The following SEPTIN9 variants were observed in gnomAD, a reference collection of about 807,000 sequenced individuals.
SEPTIN9 encodes septin-9.
A neutral mutation model predicts 56.6 loss-of-function variants in SEPTIN9; 13 were observed. The ratio of observed to expected loss-of-function variants is 0.23; its 90% CI spans 0.15 to 0.37. The LOEUF is 0.37. Ranked by LOEUF, SEPTIN9 falls within the 10% of genes least tolerant of loss-of-function variation. SEPTIN9 has a pLI of 1.00. For synonymous variants in SEPTIN9, 332 were observed against 334.1 expected (o/e 0.99, Z 0.07); for missense variants, 650 against 823.1 (o/e 0.79, Z 2.57).
intron 2 of SEPTIN9, chr17:77,373,327 T>G: frequency 1.7e-6 from 2 of 1,168,336 alleles, no homozygotes; most frequent in Non-Finnish European, 2.1e-6. Context: ...GGCGCCCGCC[T>G]TCCTCCCCCA....
intron 3 of SEPTIN9, among the ~76,000 whole-genome samples, chr17:77,411,946 A>G (rs1051332554): frequency 6.6e-6 from 1 of 151,716 alleles, no homozygotes; most frequent in African/African-American, 2.4e-5. Flanking sequence ...CCTGGCCAAC[A>G]TGGTGAAACC....
In SEPTIN9 at chr17:77,366,018, C is replaced by T. The variant is rs574549268; in HGVS notation, c.77-36041C>T. Among the ~76,000 whole-genome samples the T allele has an allele frequency of 3.3e-5, 5 of 152,204 alleles. 1 individual carries two copies. The South Asian group carries it at 1.0e-3, about 32-fold the overall frequency. On this transcript the variant is annotated intron_variant, in intron 2 of 11. Transcript: ENST00000427177. ...CAGAAAAACAGTAGGGAGGCCAGGA[C>T]ACCAAGGGCCCCAGGGACAGCCTGT...
At chr17:77,378,847 C>T (rs1002301026) in intron 2 of SEPTIN9, among the ~76,000 whole-genome samples, 1 of 152,046 alleles carries the variant, frequency 6.6e-6, no homozygotes, top group Non-Finnish European at 1.5e-5. Context: ...CTACCCCCAC[C>T]CCCACCCTGG....
At chr17:77,293,477 A>G (rs2031665103) in intron 1 of SEPTIN9, among the ~76,000 whole-genome samples, 1 of 152,062 alleles carries the variant, frequency 6.6e-6, no homozygotes. Flanking sequence ...GAGCATTTAG[A>G]ACAGAAGGAC....
intron 3 of SEPTIN9, chr17:77,470,740 C>G (rs1467800054): frequency 6.6e-6 from 1 of 152,276 alleles, no homozygotes; most frequent in African/African-American, 2.4e-5. Flanking sequence ...CCATCCATCC[C>G]CATCCTTACT....
Position 77,450,506 on chromosome 17 carries a change from G to A in SEPTIN9, c.722-31638G>A. ...GGCGCTCTCTCCTAGTGTGGGAGTG[G>A]CCACGCCCCTGCTGGGAGTGACTCA... On this transcript the variant is annotated intron_variant, in intron 3 of 11. Transcript: ENST00000427177. The surrounding 1 kb of genome is among the most constrained non-coding windows in gnomAD (Gnocchi z 6.0). The A allele has an allele frequency of 1.0e-6, 1 of 985,446 alleles. No homozygotes were observed. The allele number at this position is 985,446 out of a possible 1,614,324, so 61.0% of individuals were successfully genotyped here.
rs545796276 is a variant in SEPTIN9, at chr17:77,389,958, G to T, written c.77-12101G>T. Among the ~76,000 whole-genome samples the T allele has an allele frequency of 6.6e-6, 1 of 152,092 alleles. No homozygotes were observed. Among genetic ancestry groups the T allele is most frequent in the Non-Finnish European group, 1.5e-5 (1 of 68,028 alleles). The stretch of plus-strand genomic sequence containing the variant: ...AAAAGAGGAAGTCCAGCAACTTAGC[G>T]CCACTTTAAAGTCCGCCTGGAATGA... On this transcript the variant is annotated intron_variant, in intron 2 of 11. Coordinates refer to ENST00000427177, the MANE Select transcript of SEPTIN9 (RefSeq NM_001113491.2). The surrounding 1 kb of genome is among the most constrained non-coding windows in gnomAD (Gnocchi z 4.3).
chr17:77,393,459 C>T (rs2035607796), intron 2 of SEPTIN9, among the ~76,000 whole-genome samples: 1 of 152,182 alleles, frequency 6.6e-6, no homozygotes, highest in Non-Finnish European at 1.5e-5. Flanking sequence ...CCTTGGTCAC[C>T]AGCAAGGTGA....
intron 2 of SEPTIN9, among the ~76,000 whole-genome samples, chr17:77,343,498 C>T (rs891066102): frequency 1.3e-5 from 2 of 152,164 alleles, no homozygotes; most frequent in African/African-American, 4.8e-5. Flanking sequence ...TGTAATAAGT[C>T]AGCAATTTTA....
chr17:77,310,615 G>T lies in SEPTIN9; in HGVS notation c.76+3418G>T, dbSNP rs539470014. ...CAGGTGGATTTGGCTGGGCTGTGGAGATGCGCTTCTCAGCCCTTCTAGATG... is the reference window on the plus strand; with the variant it reads ...CAGGTGGATTTGGCTGGGCTGTGGATATGCGCTTCTCAGCCCTTCTAGATG... On this transcript the variant is annotated intron_variant, in intron 2 of 11. Coordinates refer to ENST00000427177, the MANE Select transcript of SEPTIN9 (RefSeq NM_001113491.2). This position sits in a 1 kb window ranked among gnomAD's most constrained non-coding sequence, Gnocchi z 4.7. Among the ~76,000 whole-genome samples the T allele has an allele frequency of 2.0e-5, 3 of 152,246 alleles. No homozygotes were observed. The highest frequency in any genetic ancestry group is 2.1e-4 in the South Asian group (1 of 4,820).
At chr17:77,343,209 G>A (rs1378996906) in intron 2 of SEPTIN9, among the ~76,000 whole-genome samples, 1 of 152,180 alleles carries the variant, frequency 6.6e-6, no homozygotes, top group East Asian at 1.9e-4. Context: ...GTGATTAGAA[G>A]GCTAGAACTT....
At chr17:77,394,556 A>G (rs1362340072) in intron 2 of SEPTIN9, among the ~76,000 whole-genome samples, 3 of 152,226 alleles carry the variant, frequency 2.0e-5, no homozygotes, top group East Asian at 1.9e-4. Flanking sequence ...CCCTGGGCAG[A>G]GGCCACGTTG....
intron 3 of SEPTIN9, among the ~76,000 whole-genome samples, chr17:77,422,632 G>A (rs959741783): frequency 1.9e-4 from 29 of 152,156 alleles, no homozygotes; most frequent in African/African-American, 6.5e-4. Flanking sequence ...CCGGGGAGCC[G>A]GGCTAATGGT....
chr17:77,314,528 C>A (rs559092665), intron 2 of SEPTIN9, among the ~76,000 whole-genome samples: 1 of 152,162 alleles, frequency 6.6e-6, no homozygotes, highest in East Asian at 1.9e-4. Flanking sequence ...TCCTCTATAG[C>A]TTGGCGCTCA....
At chr17:77,288,068 G>A (rs2031356185) in intron 1 of SEPTIN9, 2 of 1,063,080 alleles carry the variant, frequency 1.9e-6, no homozygotes, top group Non-Finnish European at 2.3e-6. Context: ...GGGTTAGGGG[G>A]CACGGAGGGC....
At chr17:77,358,471 AT>A (rs890536130) in intron 2 of SEPTIN9, among the ~76,000 whole-genome samples, 52 of 152,234 alleles carry the variant, frequency 3.4e-4, no homozygotes, top group African/African-American at 1.3e-3. Flanking sequence ...AAATACAAAA[AT>A]TAGCCAGACA....
chr17:77,405,469 T>C lies in SEPTIN9; in HGVS notation c.721+2766T>C, dbSNP rs1167030653. On this transcript the variant is annotated intron_variant, in intron 3 of 11. Coordinates refer to ENST00000427177, the MANE Select transcript of SEPTIN9 (RefSeq NM_001113491.2). This position sits in a 1 kb window ranked among gnomAD's most constrained non-coding sequence, Gnocchi z 5.8. Reference sequence around the variant, plus strand: ...TTCTCCATGGAATAGGATGTACACGTTGGAGCCGGGGCATGGGAGAAAACC... The same window carrying C: ...TTCTCCATGGAATAGGATGTACACGCTGGAGCCGGGGCATGGGAGAAAACC... 6.6e-6 allele frequency among the ~76,000 whole-genome samples: 1 copy of C among 152,150 alleles called. No homozygotes were observed. The highest frequency in any genetic ancestry group is 1.9e-4 in the East Asian group (1 of 5,190).
chr17:77,347,657 GCTTATGGAGAAACTTATGATGGTTTGA>G (rs1279933178), intron 2 of SEPTIN9, among the ~76,000 whole-genome samples: 1 of 151,822 alleles, frequency 6.6e-6, no homozygotes, highest in East Asian at 2.0e-4. Flanking sequence ...GGCTGGAGAG[GCTTATGGAGAAACTTATGATGGTTTGA>G]CTTACAGTTT....
At chr17:77,489,405 G>A (rs2039932456) in intron 7 of SEPTIN9, among the ~76,000 whole-genome samples, 1 of 152,134 alleles carries the variant, frequency 6.6e-6, no homozygotes, top group Non-Finnish European at 1.5e-5. Context: ...CAGCAAGGGC[G>A]GGAGGCTGCA....
Sources: allele counts gnomAD v4.1 joint callset (sites outside exome capture counted in the v4.1 genomes callset), GRCh38; gene constraint gnomAD v4.1.1; non-coding constraint Gnocchi (gnomAD v3.1); transcripts MANE v1.5; gene names NCBI Gene and HGNC (gene_info 2026-07-23, HGNC 2026-07-21).